Variants in CERS6 observed in about 807,000 individuals in gnomAD.
CERS6 encodes the protein ceramide synthase 6.
Under a neutral mutation model 56.8 loss-of-function variants are expected in CERS6, and 26 were observed. The observed-to-expected ratio is 0.46, with a 90% CI of 0.34 to 0.63. The LOEUF is 0.63. Ranked by LOEUF, CERS6 falls within the 30% of genes least tolerant of loss-of-function variation. CERS6 has a pLI of 0.01. For synonymous variants in CERS6, 164 were observed against 173.3 expected (o/e 0.95, Z 0.42); for missense variants, 415 against 467.5 (o/e 0.89, Z 1.04).
In CERS6 at chr2:168,766,449, T is replaced by C. The variant is rs1684734377; in HGVS notation, c.1002+701T>C. The C allele has an allele frequency of 1.4e-5, 14 of 1,012,616 alleles. No individual in the cohort carries two copies. In the South Asian group the frequency reaches 1.8e-4, roughly 13 times the overall value. The allele number at this position is 1,012,616 out of a possible 1,614,324, so 62.7% of individuals were successfully genotyped here. ...TCCACGCATATTGTTCTGTCTAACC[T>C]ATTGGCACTGTCTAGAGGCTTCATG... On this transcript the variant is annotated intron_variant, in intron 9 of 9. Coordinates refer to ENST00000305747, the MANE Select transcript of CERS6 (RefSeq NM_203463.3).
chr2:168,620,062 C>CACACACACATATACATAT lies in CERS6; in HGVS notation c.408-10922_408-10921insCACACACATATACATATA, dbSNP rs1439012361. Among the ~76,000 whole-genome samples, 492 of 70,040 alleles carry CACACACACATATACATAT rather than the reference C, an allele frequency of 7.0e-3. 20 individuals carry two copies. The highest frequency in any genetic ancestry group is 0.066 in the East Asian group (194 of 2,934). 45.9% of individuals were successfully genotyped at this position (70,040 alleles called of 152,430 possible). On this transcript the variant is annotated intron_variant, in intron 3 of 9. Transcript: ENST00000305747. ...ACACACACACACACACACACACACA[C>CACACACACATATACATAT]ATATTTATATATATATGATCTAATA...
At chr2:168,467,356 G>C (rs1669902724) in intron 1 of CERS6, among the ~76,000 whole-genome samples, 2 of 152,204 alleles carry the variant, frequency 1.3e-5, no homozygotes, top group Non-Finnish European at 2.9e-5. Context: ...AATAGCTTGA[G>C]TGAAGAAAAA....
chr2:168,532,459 T>C (rs1050327080), intron 1 of CERS6, among the ~76,000 whole-genome samples: 2 of 152,130 alleles, frequency 1.3e-5, no homozygotes, highest in Non-Finnish European at 2.9e-5. Context: ...GGTGTTCTCA[T>C]TGCCTTGAAT....
intron 3 of CERS6, among the ~76,000 whole-genome samples, chr2:168,620,066 T>C (rs1043331229): frequency 2.4e-4 from 23 of 96,592 alleles, no homozygotes; most frequent in Middle Eastern, 5.7e-3. Flanking sequence ...CACACACATA[T>C]TTATATATAT....
rs150724635 is a variant in CERS6, at chr2:168,520,598, C to CTTTTTTTTTTTTTTT, written c.171-26983_171-26969dup. Among the ~76,000 whole-genome samples, 541 of 57,910 alleles carry CTTTTTTTTTTTTTTT rather than the reference C, an allele frequency of 9.3e-3. 82 individuals carry two copies. Among genetic ancestry groups the CTTTTTTTTTTTTTTT allele is most frequent in the Non-Finnish European group, 0.014 (421 of 31,026 alleles). The allele number at this position is 57,910 out of a possible 152,430, so 38.0% of individuals were successfully genotyped here. A position where few individuals can be genotyped will look rare whatever the true frequency, so the allele number is the denominator to read the frequency against. On this transcript the variant is annotated intron_variant, in intron 1 of 9. Coordinates refer to ENST00000305747, the MANE Select transcript of CERS6 (RefSeq NM_203463.3). ...TTAACTCTTTAACATTTACAATATCCTTTTTTTTTTTTTTTTTTTTTTTTT... is the reference window on the plus strand; with the variant it reads ...TTAACTCTTTAACATTTACAATATCCTTTTTTTTTTTTTTTTTTTTTTTTTTTTTTTTTTTTTTTT...
At chr2:168,507,036 C>CTGTG (rs369694778) in intron 1 of CERS6, among the ~76,000 whole-genome samples, 1 of 151,082 alleles carries the variant, frequency 6.6e-6, no homozygotes, top group African/African-American at 2.4e-5. Flanking sequence ...CATGTGTGCA[C>CTGTG]TGTGTGTGTG....
chr2:168,458,552 T>G (rs1208451083), intron 1 of CERS6, among the ~76,000 whole-genome samples: 1 of 152,202 alleles, frequency 6.6e-6, no homozygotes, highest in African/African-American at 2.4e-5. Context: ...GACTTAGAGT[T>G]TACATAGAGG....
chr2:168,701,301 A>T (rs1034870461), intron 6 of CERS6, among the ~76,000 whole-genome samples: 1 of 152,208 alleles, frequency 6.6e-6, no homozygotes, highest in Non-Finnish European at 1.5e-5. Context: ...TTCCTAGGAC[A>T]ATATTTGGAA....
intron 2 of CERS6, among the ~76,000 whole-genome samples, chr2:168,557,392 G>T (rs1695703935): frequency 6.6e-6 from 1 of 152,100 alleles, no homozygotes; most frequent in Non-Finnish European, 1.5e-5. Flanking sequence ...TACTAACAGG[G>T]TTCCTTGTGT....
chr2:168,527,219 ATT>A lies in CERS6; in HGVS notation c.171-20373_171-20372del, dbSNP rs540204662. 2.7e-4 allele frequency among the ~76,000 whole-genome samples: 41 copies of A among 152,274 alleles called. No individual in the cohort carries two copies. The East Asian group carries it at 7.5e-3, about 28-fold the overall frequency. On this transcript the variant is annotated intron_variant, in intron 1 of 9. Coordinates refer to ENST00000305747, the MANE Select transcript of CERS6 (RefSeq NM_203463.3). ...TCTTCTTTATTTAAAAACAGACTTT[ATT>A]TTTAAGAGCAGTTTTAGGTTCACAT...
chr2:168,698,986 A>G (rs1173642893), intron 6 of CERS6, among the ~76,000 whole-genome samples: 1 of 152,184 alleles, frequency 6.6e-6, no homozygotes, highest in Non-Finnish European at 1.5e-5. Context: ...TTCTTGCACA[A>G]AAATGGGAAT....
In CERS6 at chr2:168,649,121, T is replaced by G. The variant is rs192956955; in HGVS notation, c.465+18079T>G. 4.1e-4 allele frequency among the ~76,000 whole-genome samples: 63 copies of G among 152,136 alleles called. No homozygotes were observed. In the East Asian group the frequency reaches 0.011, roughly 26 times the overall value. ...GAAACTGATTTTAGAGAAGGATGGG[T>G]CGTTAGCTGCAGCAGCCTTGGGCTT... On this transcript the variant is annotated intron_variant, in intron 4 of 9. Coordinates refer to ENST00000305747, the MANE Select transcript of CERS6 (RefSeq NM_203463.3).
chr2:168,755,340 C>G (rs1413544015), intron 8 of CERS6, among the ~76,000 whole-genome samples: 1 of 152,176 alleles, frequency 6.6e-6, no homozygotes, highest in African/African-American at 2.4e-5. Flanking sequence ...CTCTTAAATG[C>G]TTCAATGGAC....
intron 3 of CERS6, among the ~76,000 whole-genome samples, chr2:168,618,098 G>A (rs6741625): frequency 0.029 from 4,340 of 152,136 alleles, 210 homozygotes; most frequent in African/African-American, 0.099. Flanking sequence ...CAATAAATGT[G>A]ATACAACACA....
chr2:168,576,138 G>A (rs1236689915), intron 3 of CERS6, among the ~76,000 whole-genome samples: 1 of 152,102 alleles, frequency 6.6e-6, no homozygotes, highest in Non-Finnish European at 1.5e-5. Flanking sequence ...ATCATAAGCT[G>A]TGTGGCCTCC....
At chr2:168,555,589 G>A (rs1343223431) in intron 2 of CERS6, among the ~76,000 whole-genome samples, 10 of 150,950 alleles carry the variant, frequency 6.6e-5, no homozygotes, top group African/African-American at 2.4e-4. Flanking sequence ...CAGCTAAATC[G>A]ACTAAGAAAA....
In CERS6 at chr2:168,652,972, A is replaced by G. The variant is rs192809777; in HGVS notation, c.465+21930A>G. Among the ~76,000 whole-genome samples, 2 of 152,330 alleles carry G rather than the reference A, an allele frequency of 1.3e-5. 1 individual carries two copies. The highest frequency in any genetic ancestry group is 1.3e-4 in the Admixed American group (2 of 15,294). On this transcript the variant is annotated intron_variant, in intron 4 of 9. Transcript: ENST00000305747. Reference sequence around the variant, plus strand: ...GACTGTATTCTTTTTCCATAGACATATTTGTCCAACAATCAGCATTTATAC... The same window carrying G: ...GACTGTATTCTTTTTCCATAGACATGTTTGTCCAACAATCAGCATTTATAC...
rs567650886 is a variant in CERS6, at chr2:168,601,080, C to G, written c.408-29905C>G. 3.3e-5 allele frequency among the ~76,000 whole-genome samples: 5 copies of G among 152,342 alleles called. No homozygotes were observed. In the East Asian group the frequency reaches 5.8e-4, roughly 18 times the overall value. On this transcript the variant is annotated intron_variant, in intron 3 of 9. Coordinates refer to ENST00000305747, the MANE Select transcript of CERS6 (RefSeq NM_203463.3). The stretch of plus-strand genomic sequence containing the variant: ...CAGTTTCCTCACACTCCCCACCACT[C>G]AGTACTTATTACACTTCAGCCTACG...
intron 1 of CERS6, among the ~76,000 whole-genome samples, chr2:168,493,665 AAC>A (rs2105340311): frequency 6.6e-6 from 1 of 152,238 alleles, no homozygotes; most frequent in Non-Finnish European, 1.5e-5. Context: ...ATTTTAGCTG[AAC>A]ACCAATAACC....
Sources: gnomAD v4.1 joint callset for allele counts (sites outside exome capture counted in the v4.1 genomes callset) on GRCh38, gnomAD v4.1.1 for gene constraint, MANE v1.5 for transcripts, NCBI Gene and HGNC (gene_info 2026-07-23, HGNC 2026-07-21) for gene names.